DLG2: variants seen among roughly 807,000 people sequenced by gnomAD.
DLG2 encodes discs large MAGUK scaffold protein 2.
Under a neutral mutation model 132.5 loss-of-function variants are expected in DLG2, and 45 were observed. The observed-to-expected ratio is 0.34, with a 90% CI of 0.27 to 0.44. The LOEUF is 0.44. Ranked by LOEUF, DLG2 falls within the 20% of genes least tolerant of loss-of-function variation. The pLI, the probability that DLG2 is intolerant of heterozygous loss-of-function variation, is 1.00. For synonymous variants in DLG2, 424 were observed against 419.6 expected (o/e 1.01, Z -0.13); for missense variants, 1,045 against 1,196.9 (o/e 0.87, Z 1.87).
chr11:85,443,820 T>G (rs2091892148), intron 3 of DLG2, among the ~76,000 whole-genome samples: 1 of 152,204 alleles, frequency 6.6e-6, no homozygotes, highest in Admixed American at 6.5e-5. Context: ...ACTAATGATT[T>G]CTCTTTGTTT....
intron 3 of DLG2, among the ~76,000 whole-genome samples, chr11:85,528,998 T>C (rs907427223): frequency 6.6e-6 from 1 of 152,184 alleles, no homozygotes; most frequent in Non-Finnish European, 1.5e-5. Flanking sequence ...TATACAGCAA[T>C]GAAAATTAAT....
chr11:85,486,041 C>T (rs2093421130), intron 3 of DLG2, among the ~76,000 whole-genome samples: 1 of 152,242 alleles, frequency 6.6e-6, no homozygotes, highest in Non-Finnish European at 1.5e-5. Flanking sequence ...CTCATGTCTA[C>T]TTGCCCACAG....
chr11:84,511,241 T>A lies in DLG2; in HGVS notation c.519+23329A>T, dbSNP rs1356902362. 2.0e-5 allele frequency among the ~76,000 whole-genome samples: 3 copies of A among 152,090 alleles called. No homozygotes were observed. In the East Asian group the frequency reaches 5.8e-4, roughly 29 times the overall value. On this transcript the variant is annotated intron_variant, in intron 7 of 27. Transcript: ENST00000376104. ...TTTTCTAATTTTGTCTTTCATAATA[T>A]TTTATTCTTAAGGTACAGTAAAATG...
intron 7 of DLG2, among the ~76,000 whole-genome samples, chr11:84,533,345 T>G (rs1451638205): frequency 8.5e-5 from 13 of 152,210 alleles, no homozygotes; most frequent in Non-Finnish European, 2.9e-5. Flanking sequence ...TCTTTTCTTC[T>G]CCAGGTTAAA....
rs928279321 is a variant in DLG2, at chr11:83,918,089, T to A, written c.1496+12239A>T. 6.6e-5 allele frequency among the ~76,000 whole-genome samples: 10 copies of A among 152,300 alleles called. No homozygotes were observed. The South Asian group carries it at 1.0e-3, about 16-fold the overall frequency. On this transcript the variant is annotated intron_variant, in intron 15 of 27. Coordinates refer to ENST00000376104, the MANE Select transcript of DLG2 (RefSeq NM_001142699.3). ...TGTCCCATTACAAAGAGCTTGGATC[T>A]TGAACACATGTGAATTTCTACTTGT...
At chr11:84,227,446 C>T (rs764444078) in intron 8 of DLG2, among the ~76,000 whole-genome samples, 31 of 151,980 alleles carry the variant, frequency 2.0e-4, no homozygotes, top group Non-Finnish European at 4.0e-4. Context: ...GGATTGAACC[C>T]CCTTATGTTT....
chr11:84,730,752 T>C (rs563161938), intron 6 of DLG2, among the ~76,000 whole-genome samples: 1 of 152,090 alleles, frequency 6.6e-6, no homozygotes, highest in African/African-American at 2.4e-5. Flanking sequence ...ATGAACTAAA[T>C]GAGGTGTCTT....
intron 17 of DLG2, among the ~76,000 whole-genome samples, chr11:83,792,370 C>T (rs2153904223): frequency 6.6e-6 from 1 of 152,060 alleles, no homozygotes; most frequent in South Asian, 2.1e-4. Flanking sequence ...TTGAATTGCC[C>T]AGATAGTGTA....
At chr11:85,403,538 C>A (rs147459861) in intron 3 of DLG2, among the ~76,000 whole-genome samples, 101 of 151,596 alleles carry the variant, frequency 6.7e-4, no homozygotes, top group Non-Finnish European at 1.3e-3. Context: ...ACATAACAAG[C>A]AAATAAGAAG....
chr11:85,100,228 T>C (rs1245089485), intron 6 of DLG2, among the ~76,000 whole-genome samples: 1 of 152,090 alleles, frequency 6.6e-6, no homozygotes, highest in Non-Finnish European at 1.5e-5. Context: ...AGAGGCAACA[T>C]AGATTTTAAA....
intron 16 of DLG2, among the ~76,000 whole-genome samples, chr11:83,869,155 A>G (rs540122841): frequency 6.6e-6 from 1 of 152,278 alleles, no homozygotes; most frequent in East Asian, 1.9e-4. Flanking sequence ...TCTGGGTTCT[A>G]TGTACTGATT....
chr11:84,534,455 G>T, intron 7 of DLG2, 115 bp downstream of exon 7: 1 of 1,061,336 alleles, frequency 9.4e-7, no homozygotes, highest in Non-Finnish European at 1.4e-6. Flanking sequence ...GGCAACCCGT[G>T]TCCTCTATCA....
intron 3 of DLG2, among the ~76,000 whole-genome samples, chr11:85,464,304 C>A (rs947658828): frequency 2.2e-4 from 34 of 152,132 alleles, no homozygotes; most frequent in Non-Finnish European, 1.8e-4. Context: ...AGTTTAACTG[C>A]TGTGAGACCA....
At chr11:84,980,953 C>T (rs1273257107) in intron 6 of DLG2, among the ~76,000 whole-genome samples, 1 of 152,116 alleles carries the variant, frequency 6.6e-6, no homozygotes. Flanking sequence ...ATATGCCTTT[C>T]TTTTGTGCTC....
chr11:84,711,460 G>T (rs1407471440), intron 6 of DLG2, among the ~76,000 whole-genome samples: 2 of 139,706 alleles, frequency 1.4e-5, no homozygotes, highest in African/African-American at 2.7e-5. Context: ...TATCACGGAG[G>T]TTTTGTCCCA....
chr11:84,113,489 A>G (rs2093468812), intron 9 of DLG2, among the ~76,000 whole-genome samples: 1 of 152,214 alleles, frequency 6.6e-6, no homozygotes, highest in Admixed American at 6.5e-5. Context: ...TAAGGAAAAT[A>G]ATTGCCAATA....
At chr11:85,066,333 G>T (rs1043503530) in intron 6 of DLG2, among the ~76,000 whole-genome samples, 1 of 151,542 alleles carries the variant, frequency 6.6e-6, no homozygotes, top group Middle Eastern at 3.2e-3. Context: ...AAAGACCAGT[G>T]ACAGAGGGAT....
intron 21 of DLG2, among the ~76,000 whole-genome samples, chr11:83,509,842 C>G (rs1423516024): frequency 6.6e-6 from 1 of 151,946 alleles, no homozygotes. Flanking sequence ...GATGTGAGAC[C>G]TGGGCGTAAG....
At chr11:83,945,869 G>C (rs959031718) in intron 14 of DLG2, among the ~76,000 whole-genome samples, 1 of 145,318 alleles carries the variant, frequency 6.9e-6, no homozygotes, top group Non-Finnish European at 1.5e-5. Flanking sequence ...TTTACTTTTT[G>C]CATTTTGCTG....
Sources: allele counts gnomAD v4.1 joint callset (sites outside exome capture counted in the v4.1 genomes callset), GRCh38; gene constraint gnomAD v4.1.1; transcripts MANE v1.5; gene names NCBI Gene and HGNC (gene_info 2026-07-23, HGNC 2026-07-21).